IFT81: variants seen among roughly 807,000 people sequenced by gnomAD.
The protein encoded by IFT81 is intraflagellar transport protein 81 homolog.
A neutral mutation model predicts 102.6 loss-of-function variants in IFT81; 72 were observed. The ratio of observed to expected loss-of-function variants is 0.70; its 90% CI spans 0.58 to 0.85. IFT81 has a LOEUF of 0.85. IFT81 is among the 40% of genes least tolerant of loss of function. The pLI is 0.00. For missense variants in IFT81, 723 were observed against 787.3 expected (o/e 0.92, Z 0.98); for synonymous variants, 237 against 242.7 (o/e 0.98, Z 0.22).
intron 11 of IFT81, among the ~76,000 whole-genome samples, chr12:110,179,751 TATATATATATATATATATATATACAC>T (rs1302078416): frequency 1.4e-4 from 7 of 48,940 alleles, no homozygotes; most frequent in African/African-American, 4.1e-4. Flanking sequence ...TATATATATA[TATATATATATATATATATATATACAC>T]ACACACACAC....
chr12:110,137,329 G>T (rs1194101091), intron 8 of IFT81, among the ~76,000 whole-genome samples: 1 of 151,918 alleles, frequency 6.6e-6, no homozygotes, highest in Non-Finnish European at 1.5e-5. Flanking sequence ...GACAGAGCGA[G>T]ACTCCATCTT....
At chr12:110,179,204 G>A (rs1002722701) in intron 11 of IFT81, among the ~76,000 whole-genome samples, 2 of 152,150 alleles carry the variant, frequency 1.3e-5, no homozygotes, top group Non-Finnish European at 2.9e-5. Context: ...AGCTACAAGT[G>A]TTGATGGTTC....
intron 18 of IFT81, among the ~76,000 whole-genome samples, chr12:110,215,285 T>C (rs1869933217): frequency 6.6e-6 from 1 of 151,860 alleles, no homozygotes; most frequent in Non-Finnish European, 1.5e-5. Context: ...CTGTCCCTCT[T>C]GGTGATTTTC....
chr12:110,188,554 C>T (rs1897654204), intron 12 of IFT81, among the ~76,000 whole-genome samples: 1 of 151,834 alleles, frequency 6.6e-6, no homozygotes, highest in South Asian at 2.1e-4. Context: ...CTTTCCTTGT[C>T]TTTCTTTCCT....
intron 10 of IFT81, among the ~76,000 whole-genome samples, chr12:110,156,500 CT>C (rs897059814): frequency 2.7e-3 from 398 of 144,778 alleles, no homozygotes; most frequent in African/African-American, 4.0e-3. Flanking sequence ...TTATTCCTTA[CT>C]TTTTTTTTTT....
chr12:110,212,406 G>A (rs748498896), intron 18 of IFT81, among the ~76,000 whole-genome samples: 3 of 151,274 alleles, frequency 2.0e-5, no homozygotes, highest in East Asian at 1.9e-4. Flanking sequence ...TTAGCCAGGC[G>A]TGGTGGCATG....
intron 18 of IFT81, among the ~76,000 whole-genome samples, chr12:110,212,494 C>A (rs1198980803): frequency 6.7e-6 from 1 of 149,664 alleles, no homozygotes; most frequent in South Asian, 2.1e-4. Context: ...GCCAAGGTCA[C>A]GCCACTGCAC....
intron 18 of IFT81, among the ~76,000 whole-genome samples, chr12:110,211,149 G>A (rs1401654746): frequency 5.5e-5 from 8 of 145,286 alleles, no homozygotes; most frequent in South Asian, 2.2e-4. Flanking sequence ...CACGAGCCAC[G>A]ACACCTGGAC....
intron 11 of IFT81, among the ~76,000 whole-genome samples, chr12:110,172,969 GCCCTGTCCA>G (rs1896828306): frequency 7.0e-6 from 1 of 143,302 alleles, no homozygotes; most frequent in African/African-American, 2.6e-5. Context: ...CAGGCCAGCC[GCCCTGTCCA>G]GGAGGGAGGT....
intron 18 of IFT81, among the ~76,000 whole-genome samples, chr12:110,214,553 T>G (rs1869850958): frequency 6.6e-6 from 1 of 152,152 alleles, no homozygotes; most frequent in Admixed American, 6.5e-5. Flanking sequence ...TCTCCTCCTT[T>G]AAAGAACAAT....
chr12:110,146,738 G>A (rs1225171528), intron 9 of IFT81, among the ~76,000 whole-genome samples: 1 of 151,992 alleles, frequency 6.6e-6, no homozygotes, highest in Non-Finnish European at 1.5e-5. Flanking sequence ...GGAGGCCAAG[G>A]TGGGAGGATC....
intron 18 of IFT81, among the ~76,000 whole-genome samples, chr12:110,212,984 AT>A (rs1026382873): frequency 6.6e-5 from 10 of 151,898 alleles, no homozygotes; most frequent in Non-Finnish European, 1.5e-4. Flanking sequence ...CCTGCCCCAA[AT>A]TTTTTTTCTA....
chr12:110,213,306 A>T (rs1339793990), intron 18 of IFT81, among the ~76,000 whole-genome samples: 2 of 152,072 alleles, frequency 1.3e-5, no homozygotes, highest in Non-Finnish European at 2.9e-5. Context: ...AAAAACGGTA[A>T]TTTGTCCTAG....
In IFT81 at chr12:110,152,452, T is replaced by G. The variant is rs190295387; in HGVS notation, c.1041+5404T>G. Among the ~76,000 whole-genome samples the G allele has an allele frequency of 9.8e-5, 15 of 152,366 alleles. No homozygotes were observed. The East Asian group carries it at 2.9e-3, about 29-fold the overall frequency. On this transcript the variant is annotated intron_variant, in intron 10 of 18. Transcript: ENST00000242591. ...CCATTGGCCATTTGTATGTCTTTAATAAATGTCTCTTTAGGTTCTTTGCCC... is the reference window on the plus strand; with the variant it reads ...CCATTGGCCATTTGTATGTCTTTAAGAAATGTCTCTTTAGGTTCTTTGCCC...
chr12:110,131,976 A>C (rs1450530634), intron 4 of IFT81, among the ~76,000 whole-genome samples: 1 of 152,212 alleles, frequency 6.6e-6, no homozygotes, highest in Non-Finnish European at 1.5e-5. Context: ...AGGAACTCAG[A>C]CATCAACATA....
chr12:110,179,773 T>TATATATACAC (rs774113734), intron 11 of IFT81, among the ~76,000 whole-genome samples: 2 of 50,482 alleles, frequency 4.0e-5, no homozygotes, highest in Non-Finnish European at 8.3e-5. Context: ...TATATATATA[T>TATATATACAC]ACACACACAC....
chr12:110,187,939 GGCATTTAC>G (rs2137537638), intron 12 of IFT81, among the ~76,000 whole-genome samples: 1 of 152,210 alleles, frequency 6.6e-6, no homozygotes, highest in East Asian at 1.9e-4. Flanking sequence ...GATAATGTGA[GGCATTTAC>G]CAAAGCCTGT....
chr12:110,188,884 G>A (rs1049538775), intron 12 of IFT81, among the ~76,000 whole-genome samples: 3 of 150,640 alleles, frequency 2.0e-5, no homozygotes, highest in East Asian at 2.0e-4. Context: ...AGCCAAGATC[G>A]CACCACTGCA....
intron 11 of IFT81, among the ~76,000 whole-genome samples, chr12:110,175,526 G>A (rs1269758777): frequency 3.9e-5 from 6 of 152,070 alleles, no homozygotes; most frequent in Admixed American, 2.6e-4. Flanking sequence ...CGGTATTTTC[G>A]TTATTTTACA....
Sources: gnomAD v4.1 joint callset for allele counts (sites outside exome capture counted in the v4.1 genomes callset) on GRCh38, gnomAD v4.1.1 for gene constraint, MANE v1.5 for transcripts, NCBI Gene and HGNC (gene_info 2026-07-23, HGNC 2026-07-21) for gene names.